FRMPD4: variants seen among roughly 807,000 people sequenced by gnomAD.
The protein encoded by FRMPD4 is FERM and PDZ domain containing 4.
FRMPD4 carries 22 observed loss-of-function variants against 94.1 expected under a neutral mutation model. The observed-to-expected ratio is 0.23, with a 90% CI of 0.17 to 0.33. The LOEUF (loss-of-function observed/expected upper bound fraction) is 0.33. FRMPD4 is among the 10% of genes least tolerant of loss of function. The pLI is 1.00. For missense variants in FRMPD4, 1,111 were observed against 1,339.9 expected (o/e 0.83, Z 2.67); for synonymous variants, 631 against 548.6 (o/e 1.15, Z -2.10).
intron 2 of FRMPD4, among the ~76,000 whole-genome samples, chrX:11,872,498 T>C (rs1047712984): frequency 1.2e-4 from 14 of 112,406 alleles, no homozygotes; most frequent in Non-Finnish European, 1.9e-4. Flanking sequence ...TTGAGAAAGA[T>C]TGGTTTTATT....
At chrX:12,699,837 G>A (rs2060170701) in intron 9 of FRMPD4, among the ~76,000 whole-genome samples, 1 of 112,391 alleles carries the variant, frequency 8.9e-6, no homozygotes, top group Non-Finnish European at 1.9e-5. Context: ...AACAAAGTAT[G>A]GATAGCCATG....
At chrX:12,559,767 C>T (rs2058634142) in intron 2 of FRMPD4, among the ~76,000 whole-genome samples, 1 of 110,441 alleles carries the variant, frequency 9.1e-6, no homozygotes, top group African/African-American at 3.3e-5. Flanking sequence ...AATTGTGTGA[C>T]AAGGGGAACT....
chrX:12,170,185 GT>G (rs58430445), intron 1 of FRMPD4, among the ~76,000 whole-genome samples: 11,292 of 96,778 alleles, frequency 0.12, 688 homozygotes, highest in African/African-American at 0.22. Context: ...TTTCCACAGA[GT>G]TTTTTTTTTT....
At chrX:12,533,563 G>C (rs2058307651) in intron 2 of FRMPD4, among the ~76,000 whole-genome samples, 1 of 112,022 alleles carries the variant, frequency 8.9e-6, no homozygotes, top group Admixed American at 9.5e-5. Context: ...CCAAAATGCT[G>C]ATAATGATAT....
At chrX:12,675,204 T>C (rs1385955844) in intron 5 of FRMPD4, among the ~76,000 whole-genome samples, 1 of 112,009 alleles carries the variant, frequency 8.9e-6, no homozygotes, top group Admixed American at 9.5e-5. Flanking sequence ...TTCTTATGCT[T>C]TTCAGCTTAA....
chrX:11,997,637 C>T (rs776097142), intron 3 of FRMPD4, among the ~76,000 whole-genome samples: 7 of 111,029 alleles, frequency 6.3e-5, no homozygotes, highest in African/African-American at 2.3e-4. Flanking sequence ...GGGGCCCAGA[C>T]TGAAGGAACA....
intron 3 of FRMPD4, among the ~76,000 whole-genome samples, chrX:12,086,089 ATG>A (rs766015576): frequency 3.5e-4 from 22 of 62,538 alleles, no homozygotes; most frequent in South Asian, 1.4e-3. Context: ...GTGTGTGTGT[ATG>A]TGTGTGTGTG....
At chrX:12,650,791 A>G (rs760525273) in intron 4 of FRMPD4, among the ~76,000 whole-genome samples, 2 of 113,033 alleles carry the variant, frequency 1.8e-5, no homozygotes, top group Admixed American at 9.3e-5. Context: ...ATCTGTTGTC[A>G]TTGAAAGCCA....
chrX:12,190,125 G>T (rs1011901820), intron 1 of FRMPD4, among the ~76,000 whole-genome samples: 4 of 110,758 alleles, frequency 3.6e-5, no homozygotes, highest in Admixed American at 9.6e-5. Context: ...CAGCACCAAA[G>T]AAATAAACAC....
chrX:12,431,330 A>C (rs1187159364), intron 1 of FRMPD4, among the ~76,000 whole-genome samples: 3 of 112,220 alleles, frequency 2.7e-5, no homozygotes, highest in Non-Finnish European at 5.6e-5. Flanking sequence ...TCTATAAAGG[A>C]AATAGGTGGT....
At chrX:11,995,396 T>G (rs1294440499) in intron 3 of FRMPD4, among the ~76,000 whole-genome samples, 1 of 111,031 alleles carries the variant, frequency 9.0e-6, no homozygotes, top group Non-Finnish European at 1.9e-5. Flanking sequence ...TTTAATTTTG[T>G]CATTCCAATC....
chrX:12,132,350 GA>G (rs755259659), intron 3 of FRMPD4, among the ~76,000 whole-genome samples: 9 of 111,645 alleles, frequency 8.1e-5, no homozygotes, highest in Non-Finnish European at 1.7e-4. Context: ...TTCTCTATGG[GA>G]ATTAGTTTTA....
At chrX:12,464,410 T>G (rs1419615685) in intron 1 of FRMPD4, among the ~76,000 whole-genome samples, 1 of 112,516 alleles carries the variant, frequency 8.9e-6, no homozygotes, top group African/African-American at 3.2e-5. Flanking sequence ...TATTTGTTTT[T>G]CTTTGATCAA....
chrX:12,550,357 T>TAA (rs11389848), intron 2 of FRMPD4, among the ~76,000 whole-genome samples: 2,183 of 104,725 alleles, frequency 0.021, 49 homozygotes, highest in African/African-American at 0.068. Context: ...AGCCAAAATG[T>TAA]AAAAAAAAAA....
At chrX:11,846,363 G>A (rs1279721868) in intron 1 of FRMPD4, among the ~76,000 whole-genome samples, 1 of 108,235 alleles carries the variant, frequency 9.2e-6, no homozygotes, top group Non-Finnish European at 1.9e-5. Context: ...ACAAACCACT[G>A]CTCAATGAAG....
chrX:12,229,733 T>C (rs1489189508), intron 1 of FRMPD4, among the ~76,000 whole-genome samples: 1 of 112,017 alleles, frequency 8.9e-6, no homozygotes, highest in Non-Finnish European at 1.9e-5. Flanking sequence ...TTCCATTATC[T>C]TCCTCCCTTG....
intron 4 of FRMPD4, among the ~76,000 whole-genome samples, chrX:12,668,302 G>GA (rs1406334244): frequency 9.1e-6 from 1 of 110,252 alleles, no homozygotes; most frequent in Non-Finnish European, 1.9e-5. Flanking sequence ...TTATAGACGA[G>GA]AAAAAAAGAG....
intron 3 of FRMPD4, among the ~76,000 whole-genome samples, chrX:12,043,291 C>T (rs2054767197): frequency 9.0e-6 from 1 of 111,270 alleles, no homozygotes. Context: ...AAATGATATC[C>T]AGCTAATTTA....
rs2042136593 is a variant in FRMPD4 at position 12,718,138 on chromosome X, A to G, written c.3312A>G (p.Lys1104=). ...YVATEGGMAE[K]SGLEAATGKT... ...CCACTGAAGGTGGGATGGCTGAAAA[A>G]AGTGGATTAGAAGCAGCAACAGGGA... The change falls in exon 16 of 17, where the codon AAA becomes AAG. Residue 1104 remains lysine (K), a synonymous_variant. Transcript: ENST00000675598. 17 of 1,211,738 alleles carry G rather than the reference A, an allele frequency of 1.4e-5. No homozygotes were observed. Among genetic ancestry groups the G allele is most frequent in the Non-Finnish European group, 1.8e-5 (16 of 895,392 alleles).
Sources: gnomAD v4.1 joint callset for allele counts (sites outside exome capture counted in the v4.1 genomes callset) on GRCh38, gnomAD v4.1.1 for gene constraint, MANE v1.5 for transcripts, NCBI Gene and HGNC (gene_info 2026-07-23, HGNC 2026-07-21) for gene names.